Variants in PIK3C2B observed in about 807,000 individuals in gnomAD.
The protein encoded by PIK3C2B is phosphatidylinositol-4-phosphate 3-kinase catalytic subunit type 2 beta.
Under a neutral mutation model 184.3 loss-of-function variants are expected in PIK3C2B, and 83 were observed. The ratio of observed to expected loss-of-function variants is 0.45; its 90% CI spans 0.38 to 0.54. The LOEUF (loss-of-function observed/expected upper bound fraction) is 0.54. PIK3C2B is among the 20% of genes least tolerant of loss of function. The probability of loss-of-function intolerance (pLI) is 0.00; values close to 1 mark genes in which losing one functional copy is unlikely to be tolerated. For synonymous variants in PIK3C2B, 779 were observed against 837.6 expected (o/e 0.93, Z 1.21); for missense variants, 1,736 against 2,113.5 (o/e 0.82, Z 3.50).
rs774288414 is a variant in PIK3C2B at position 204,449,864 on chromosome 1, G to T, written c.2220C>A (p.Leu740=). The change falls in exon 13 of 33, where the codon CTC becomes CTA. Residue 740 remains leucine, a synonymous_variant. Transcript: ENST00000684373. The part of the protein sequence containing the change: ...PEALGWVTTP[L]FNFRQVLTCG... ...GGCTCACATACTGCCTGAAGTTGAA[G>T]AGTGGGGTAGTGACCCAGCCCAGGG... 4 of 1,611,296 alleles carry T rather than the reference G, an allele frequency of 2.5e-6. No homozygotes were observed. The highest frequency in any genetic ancestry group is 2.7e-5 in the African/African-American group (2 of 74,850).
At chr1:204,464,154 G>A (rs370488322) in intron 4 of PIK3C2B, 22 bp from the exon 5 acceptor site, 2 of 1,612,084 alleles carry the variant, frequency 1.2e-6, no homozygotes, top group East Asian at 2.2e-5. Flanking sequence ...AAGGTAGGGG[G>A]AGCAATCATG....
Position 204,468,906 on chromosome 1 carries a change from C to G in PIK3C2B, c.897G>C (p.Ala299=). 6.2e-7 allele frequency: 1 copy of G among 1,600,530 alleles called. No homozygotes were observed. Among genetic ancestry groups the G allele is most frequent in the Non-Finnish European group, 8.5e-7 (1 of 1,172,134 alleles). ...AAATCCGGCGGTTCTTGCCAGGCGT[C>G]GCATTCTTTCGGTTGCCATAGCGGG... ...YASRYGNRKN[A]TPGKNRRISA... The change falls in exon 2 of 33, where the codon GCG becomes GCC. Residue 299 remains alanine (A), a synonymous_variant. Transcript: ENST00000684373.
At chr1:204,438,810 T>C in intron 23 of PIK3C2B, 125 bp downstream of exon 23, 1 of 1,012,254 alleles carries the variant, frequency 9.9e-7, no homozygotes, top group Non-Finnish European at 1.4e-6. Context: ...CAAGAAAGGG[T>C]AGGTCCTTCT....
In PIK3C2B at chr1:204,424,876, T is replaced by C. The variant is rs1572268874; in HGVS notation, c.4881A>G (p.Gly1627=). The C allele has an allele frequency of 1.9e-6, 3 of 1,614,080 alleles. No individual in the cohort carries two copies. Among genetic ancestry groups the C allele is most frequent in the Non-Finnish European group, 2.5e-6 (3 of 1,179,994 alleles). ...CTCACAAGGTGCCATGACTTCGAGA[T>C]CCCAGGGCGAACCAGCCGGTCTTCT... The part of the protein sequence containing the change: ...AQEKTGWFAL[G]SRSHGTL Residue 1627 remains glycine (G), a synonymous_variant, in exon 33 of 33, where the codon GGA becomes GGG. Coordinates refer to ENST00000684373, the MANE Select transcript of PIK3C2B (RefSeq NM_001377334.1).
chr1:204,481,574 T>C (rs911327938), intron 1 of PIK3C2B, among the ~76,000 whole-genome samples: 1 of 152,140 alleles, frequency 6.6e-6, no homozygotes, highest in East Asian at 1.9e-4. Context: ...TTAGTGTCAC[T>C]GGCAAAGAAG....
At chr1:204,432,148 G>T in intron 27 of PIK3C2B, 52 bp downstream of exon 27, 1 of 1,530,780 alleles carries the variant, frequency 6.5e-7, no homozygotes, top group Non-Finnish European at 9.0e-7. Flanking sequence ...ATCCCAGCAA[G>T]CCAGGGTCAG....
At position 204,454,589 on chromosome 1, in the gene PIK3C2B, GT is replaced by G. The variant is rs1392057282; in HGVS notation, c.2066+79del. On this transcript the variant is annotated intron_variant, in intron 12 of 32. Transcript: ENST00000684373. ...TGGTTTTATCATTAGTCCTGGACTAGTTATCTGGCCCCAGGGATATTTCAGA... is the reference window on the plus strand; with the variant it reads ...TGGTTTTATCATTAGTCCTGGACTAGTATCTGGCCCCAGGGATATTTCAGA... The G allele has an allele frequency of 3.4e-6, 5 of 1,483,360 alleles. No individual in the cohort carries two copies. The Admixed American group carries it at 9.1e-5, about 27-fold the overall frequency. 91.9% of individuals were successfully genotyped at this position (1,483,360 alleles called of 1,614,324 possible). A position where few individuals can be genotyped will look rare whatever the true frequency, so the allele number is the denominator to read the frequency against.
intron 1 of PIK3C2B, among the ~76,000 whole-genome samples, chr1:204,492,608 G>A (rs527984449): frequency 1.3e-5 from 2 of 152,230 alleles, no homozygotes; most frequent in South Asian, 2.1e-4. Context: ...GTATCTGCCA[G>A]AGCATACTAG....
intron 1 of PIK3C2B, among the ~76,000 whole-genome samples, chr1:204,490,722 G>A (rs370976114): frequency 1.3e-5 from 2 of 150,720 alleles, no homozygotes; most frequent in East Asian, 1.9e-4. Context: ...CCAGAAGTTC[G>A]AGATCAGTCT....
chr1:204,457,126 A>G, intron 9 of PIK3C2B, 56 bp from the exon 10 acceptor site: 1 of 1,466,624 alleles, frequency 6.8e-7, no homozygotes, highest in Non-Finnish European at 9.3e-7. Context: ...TTTTCGTCAC[A>G]GCTGGAAGAA....
intron 1 of PIK3C2B, among the ~76,000 whole-genome samples, chr1:204,478,263 C>T (rs1229913923): frequency 6.6e-6 from 1 of 152,154 alleles, no homozygotes; most frequent in African/African-American, 2.4e-5. Context: ...ACCCATACCC[C>T]CAATCCCACC....
In PIK3C2B at chr1:204,459,894, G is replaced by A. The variant is rs774300891; in HGVS notation, c.1550C>T (p.Ala517Val). 1.2e-6 allele frequency: 2 copies of A among 1,613,754 alleles called. No homozygotes were observed. Among genetic ancestry groups the A allele is most frequent in the Non-Finnish European group, 1.7e-6 (2 of 1,179,920 alleles). ...CGTACTCACATCAGCCAGCAGGAAG[G>A]CATCCACCTCATTGTGGTAAGTGTC... Reference protein sequence around the residue: ...LFDTYHNEVDAFLLADGDFPL... With the variant: ...LFDTYHNEVDVFLLADGDFPL... The change falls in exon 8 of 33, where the codon GCC becomes GTC. Residue 517 changes from alanine (A) to valine (V), a missense_variant. This residue lies in a region of PIK3C2B where 609 missense variants were observed against 699.2 expected (regional missense o/e 0.87). Transcript: ENST00000684373.
chr1:204,473,529 T>C (rs528716926), intron 1 of PIK3C2B, among the ~76,000 whole-genome samples: 1 of 152,348 alleles, frequency 6.6e-6, no homozygotes, highest in South Asian at 2.1e-4. Context: ...TAGTGCCTTA[T>C]AGATAGGAGA....
intron 23 of PIK3C2B, among the ~76,000 whole-genome samples, chr1:204,437,587 A>T (rs1460356619): frequency 6.6e-6 from 1 of 152,202 alleles, no homozygotes; most frequent in Non-Finnish European, 1.5e-5. Flanking sequence ...CAGGGGACCG[A>T]CAGCAAAGAG....
chr1:204,460,485 T>C, intron 6 of PIK3C2B, 65 bp downstream of exon 6: 1 of 1,540,516 alleles, frequency 6.5e-7, no homozygotes, highest in Non-Finnish European at 9.0e-7. Flanking sequence ...ACCTGATGTG[T>C]TCTATATTGT....
chr1:204,455,093 T>G (rs1341574951), intron 11 of PIK3C2B, among the ~76,000 whole-genome samples: 2 of 152,212 alleles, frequency 1.3e-5, no homozygotes, highest in African/African-American at 4.8e-5. Flanking sequence ...CCATGGAGCG[T>G]CTGTGTGTGC....
At chr1:204,482,739 G>A (rs1210372163) in intron 1 of PIK3C2B, among the ~76,000 whole-genome samples, 3 of 151,832 alleles carry the variant, frequency 2.0e-5, no homozygotes, top group African/African-American at 7.3e-5. Flanking sequence ...AGCCGAGATC[G>A]CGCCACTGCA....
At position 204,456,061 on chromosome 1, in the gene PIK3C2B, GA is replaced by G. The variant is rs766884186; in HGVS notation, c.1748-11del. 72 of 1,606,842 alleles carry G rather than the reference GA, an allele frequency of 4.5e-5. No individual in the cohort carries two copies. The highest frequency in any genetic ancestry group is 3.3e-4 in the Middle Eastern group (2 of 6,044). On this transcript the variant is annotated splice_polypyrimidine_tract_variant and intron_variant, in intron 10 of 32. Coordinates refer to ENST00000684373, the MANE Select transcript of PIK3C2B (RefSeq NM_001377334.1). ...GCTTCCACGACCTTCTCTGGGAAGG[GA>G]AGGGGTCAGAAGGGAAAGTCATGAG...
intron 5 of PIK3C2B, among the ~76,000 whole-genome samples, chr1:204,463,355 T>C (rs1006262048): frequency 2.7e-5 from 4 of 146,466 alleles, no homozygotes; most frequent in Non-Finnish European, 6.0e-5. Flanking sequence ...TGAGAAGTGA[T>C]AACCTTGCCC....
Sources: allele counts gnomAD v4.1 joint callset (sites outside exome capture counted in the v4.1 genomes callset), GRCh38; gene constraint gnomAD v4.1.1; regional missense constraint gnomAD v4.1.1; transcripts MANE v1.5; gene names NCBI Gene and HGNC (gene_info 2026-07-23, HGNC 2026-07-21).